Variants in DOCK1 observed in about 807,000 individuals in gnomAD.
The protein encoded by DOCK1 is dedicator of cytokinesis 1, also known as dedicator of cytokinesis protein 1.
In DOCK1, 138 loss-of-function variants were observed where a neutral mutation model predicts 262.7. The observed-to-expected ratio is 0.53, with a 90% CI of 0.46 to 0.61. DOCK1 has a LOEUF of 0.61. Among genes scored for constraint, DOCK1 ranks in the 20% least tolerant of loss-of-function variants. DOCK1 has a pLI of 0.00. For missense variants in DOCK1, 1,908 were observed against 2,370.7 expected, an observed-to-expected ratio of 0.80 and a Z score of 4.05; for synonymous variants, 866 against 867.4, an observed-to-expected ratio of 1.00 and a Z score of 0.03.
Position 127,452,152 on chromosome 10 carries a change from G to A in DOCK1, c.*725G>A, listed in dbSNP as rs2071005955. ...CCACAAGAGCTGGTTTTAATTGGGT[G>A]AATTGTTTTTGTCCTCATTCTGTAC... On this transcript the variant is annotated 3_prime_UTR_variant, in exon 52 of 52. Coordinates refer to ENST00000623213, the MANE Select transcript of DOCK1 (RefSeq NM_001290223.2). The A allele has an allele frequency of 6.6e-6, 1 of 152,660 alleles. No homozygotes were observed. The highest frequency in any genetic ancestry group is 6.5e-5 in the Admixed American group (1 of 15,284). 9.5% of individuals were successfully genotyped at this position (152,660 alleles called of 1,614,324 possible).
intron 27 of DOCK1, among the ~76,000 whole-genome samples, chr10:127,149,362 C>A (rs1402790083): frequency 1.3e-5 from 2 of 152,188 alleles, no homozygotes; most frequent in African/African-American, 4.8e-5. Context: ...GTGGTTTTCC[C>A]CCCGCCTTGA....
At chr10:127,299,817 G>A (rs1245809491) in intron 29 of DOCK1, among the ~76,000 whole-genome samples, 1 of 152,258 alleles carries the variant, frequency 6.6e-6, no homozygotes, top group East Asian at 1.9e-4. Flanking sequence ...TTAGGACTTG[G>A]TTAGTTCAAC....
chr10:127,378,720 C>T (rs1282644909), intron 35 of DOCK1, among the ~76,000 whole-genome samples: 2 of 152,132 alleles, frequency 1.3e-5, no homozygotes, highest in African/African-American at 4.8e-5. Flanking sequence ...GGTGTGAAAC[C>T]GTAGCTTGTA....
At chr10:127,319,603 A>G (rs545615641) in intron 29 of DOCK1, among the ~76,000 whole-genome samples, 17 of 152,218 alleles carry the variant, frequency 1.1e-4, no homozygotes, top group South Asian at 4.1e-4. Context: ...GTGGAGTTAC[A>G]TGGAAAGTGG....
At chr10:127,236,500 GT>G (rs771387854) in intron 27 of DOCK1, among the ~76,000 whole-genome samples, 3,871 of 66,852 alleles carry the variant, frequency 0.058, 131 homozygotes, top group African/African-American at 0.17. Flanking sequence ...CTTGACACGG[GT>G]TTTTTTTTTT....
At chr10:127,193,027 C>CGTCATGTA (rs1398062865) in intron 27 of DOCK1, among the ~76,000 whole-genome samples, 5 of 152,108 alleles carry the variant, frequency 3.3e-5, no homozygotes, top group African/African-American at 1.2e-4. Context: ...ATGAAAGTGT[C>CGTCATGTA]GTCATGTAGT....
At chr10:127,023,982 C>T (rs1344153088) in intron 14 of DOCK1, among the ~76,000 whole-genome samples, 1 of 152,194 alleles carries the variant, frequency 6.6e-6, no homozygotes, top group Non-Finnish European at 1.5e-5. Context: ...GCTCTACCTA[C>T]CGGCGATCAT....
chr10:127,349,723 G>A (rs2063796200), intron 31 of DOCK1, among the ~76,000 whole-genome samples: 1 of 152,188 alleles, frequency 6.6e-6, no homozygotes. Context: ...TGGAGGTTCT[G>A]AGGGAGAAGC....
intron 27 of DOCK1, among the ~76,000 whole-genome samples, chr10:127,148,947 A>C (rs776891896): frequency 1.2e-4 from 18 of 152,298 alleles, no homozygotes; most frequent in South Asian, 4.1e-4. Context: ...AACCATCTCA[A>C]AATTTGTCAG....
intron 21 of DOCK1, among the ~76,000 whole-genome samples, chr10:127,050,959 T>G (rs1217662747): frequency 6.6e-6 from 1 of 152,144 alleles, no homozygotes; most frequent in Non-Finnish European, 1.5e-5. Context: ...TCCCTTCATC[T>G]TTAGCAAGGA....
intron 47 of DOCK1, among the ~76,000 whole-genome samples, chr10:127,428,121 G>A (rs1265959175): frequency 6.6e-6 from 1 of 152,236 alleles, no homozygotes; most frequent in African/African-American, 2.4e-5. Context: ...GAAGCGTTTC[G>A]GAGTGCGTCA....
intron 33 of DOCK1, among the ~76,000 whole-genome samples, chr10:127,364,369 T>C (rs984714696): frequency 2.0e-5 from 3 of 151,714 alleles, no homozygotes; most frequent in Non-Finnish European, 4.4e-5. Context: ...GTTTTTTAAT[T>C]TTTTTTTTAT....
intron 1 of DOCK1, among the ~76,000 whole-genome samples, chr10:126,934,747 G>GTTTTTTTT (rs1166445414): frequency 6.7e-3 from 718 of 107,392 alleles, no homozygotes; most frequent in East Asian, 0.012. Flanking sequence ...GAATTTACGA[G>GTTTTTTTT]TTTTTTTTTT....
chr10:127,400,931 G>A (rs116817598), intron 38 of DOCK1, among the ~76,000 whole-genome samples: 164 of 152,288 alleles, frequency 1.1e-3, no homozygotes, highest in African/African-American at 3.8e-3. Flanking sequence ...CATCAGGCTA[G>A]GAAGAGGGGA....
chr10:127,364,181 G>A (rs868632664), intron 33 of DOCK1, among the ~76,000 whole-genome samples: 1 of 152,118 alleles, frequency 6.6e-6, no homozygotes, highest in East Asian at 1.9e-4. Context: ...TGGCCATTTC[G>A]TCAGGGTTGT....
intron 27 of DOCK1, among the ~76,000 whole-genome samples, chr10:127,229,726 A>G (rs2058771861): frequency 6.6e-6 from 1 of 152,102 alleles, no homozygotes; most frequent in South Asian, 2.1e-4. Flanking sequence ...TATTGATTTC[A>G]TTTCCTTTGG....
chr10:127,020,709 G>A (rs572067781), intron 13 of DOCK1, among the ~76,000 whole-genome samples: 2 of 152,238 alleles, frequency 1.3e-5, no homozygotes, highest in East Asian at 3.9e-4. Flanking sequence ...TTCTAGCTTG[G>A]GTGGGTCATC....
intron 27 of DOCK1, among the ~76,000 whole-genome samples, chr10:127,237,185 C>G (rs1014620902): frequency 1.3e-5 from 2 of 151,818 alleles, no homozygotes; most frequent in Admixed American, 6.6e-5. Flanking sequence ...ATGGGGAAAC[C>G]CTGTCTCTAC....
At position 126,945,366 on chromosome 10, in the gene DOCK1, G is replaced by T. The variant is rs974775125; in HGVS notation, c.47-25336G>T. ...CCACGTGGGCCTCTCCATAGGGGCAGCTCATGTAGGGCTGGTTTTGTCACA... is the reference window on the plus strand; with the variant it reads ...CCACGTGGGCCTCTCCATAGGGGCATCTCATGTAGGGCTGGTTTTGTCACA... On this transcript the variant is annotated intron_variant, in intron 1 of 51. Transcript: ENST00000623213. Among the ~76,000 whole-genome samples, 16 of 151,988 alleles carry T rather than the reference G, an allele frequency of 1.1e-4. 1 individual carries two copies. Among genetic ancestry groups the T allele is most frequent in the Admixed American group, 9.8e-4 (15 of 15,262 alleles).
Sources: gnomAD v4.1 joint callset for allele counts (sites outside exome capture counted in the v4.1 genomes callset) on GRCh38, gnomAD v4.1.1 for gene constraint, MANE v1.5 for transcripts, NCBI Gene and HGNC (gene_info 2026-07-23, HGNC 2026-07-21) for gene names.